Variants in SPMIP2 observed in about 807,000 individuals in gnomAD.
The protein encoded by SPMIP2 is sperm microtubule inner protein 2.
chr4:158,927,196 T>C, the SPMIP2 span, among the ~76,000 whole-genome samples: 6 of 152,176 alleles, frequency 3.9e-5, no homozygotes, highest in Admixed American at 6.5e-5. Context: ...GCCCTCTTTT[T>C]TAAAAAATAT....
At chr4:158,997,670 A>G in the SPMIP2 span, among the ~76,000 whole-genome samples, 1 of 152,052 alleles carries the variant, frequency 6.6e-6, no homozygotes, top group African/African-American at 2.4e-5. Context: ...GTTATTGTTT[A>G]GAGACAGGGT....
chr4:158,907,350 A>G, the SPMIP2 span: 1 of 152,146 alleles, frequency 6.6e-6, no homozygotes, highest in East Asian at 1.9e-4. Context: ...AGTAACTATA[A>G]TCTTTTCACA....
the SPMIP2 span, chr4:158,904,366 T>C: frequency 9.5e-7 from 1 of 1,056,028 alleles, no homozygotes; most frequent in African/African-American, 1.6e-5. Context: ...TCTATCAAAC[T>C]TAGTACCTAG....
At chr4:158,972,316 C>T in the SPMIP2 span, among the ~76,000 whole-genome samples, 3 of 152,176 alleles carry the variant, frequency 2.0e-5, no homozygotes, top group Non-Finnish European at 1.5e-5. Context: ...GAGTCAAGAT[C>T]GTGCCACTGC....
the SPMIP2 span, among the ~76,000 whole-genome samples, chr4:158,979,998 C>G: frequency 1.3e-5 from 2 of 151,944 alleles, no homozygotes; most frequent in African/African-American, 4.8e-5. Flanking sequence ...CGACCTGGGA[C>G]GCTCAAGCTT....
chr4:159,015,493 C>T, the SPMIP2 span, among the ~76,000 whole-genome samples: 1 of 152,196 alleles, frequency 6.6e-6, no homozygotes, highest in Non-Finnish European at 1.5e-5. Context: ...ATAACTTCCT[C>T]CCTTTTGAAA....
the SPMIP2 span, among the ~76,000 whole-genome samples, chr4:158,974,310 G>T: frequency 1.3e-5 from 2 of 151,902 alleles, no homozygotes; most frequent in Non-Finnish European, 2.9e-5. Context: ...TCACTTAAAT[G>T]AATTTTTTAT....
At chr4:158,963,005 T>C in the SPMIP2 span, among the ~76,000 whole-genome samples, 1 of 152,226 alleles carries the variant, frequency 6.6e-6, no homozygotes, top group African/African-American at 2.4e-5. Context: ...ATTCATCAAC[T>C]TTCAGCAAAT....
chr4:158,986,644 A>G, the SPMIP2 span, among the ~76,000 whole-genome samples: 1 of 152,172 alleles, frequency 6.6e-6, no homozygotes, highest in Non-Finnish European at 1.5e-5. Flanking sequence ...GATGGATTAA[A>G]GTCTTAAATA....
chr4:159,010,312 G>A, the SPMIP2 span, among the ~76,000 whole-genome samples: 2 of 152,196 alleles, frequency 1.3e-5, no homozygotes, highest in Admixed American at 6.5e-5. Context: ...CCCCTTCACA[G>A]CACGTGTTCA....
the SPMIP2 span, among the ~76,000 whole-genome samples, chr4:158,992,450 C>T: frequency 2.0e-5 from 3 of 152,208 alleles, no homozygotes; most frequent in African/African-American, 7.2e-5. Context: ...TACTGGGTCA[C>T]TTATATGCAT....
chr4:158,992,962 CA>C, the SPMIP2 span, among the ~76,000 whole-genome samples: 2 of 152,184 alleles, frequency 1.3e-5, no homozygotes, highest in Non-Finnish European at 2.9e-5. Context: ...CAAGCTGAGT[CA>C]AAAGCTCTTA....
At chr4:158,988,849 C>T in the SPMIP2 span, among the ~76,000 whole-genome samples, 1 of 152,288 alleles carries the variant, frequency 6.6e-6, no homozygotes, top group East Asian at 1.9e-4. Context: ...CCTCTCTCAC[C>T]ACTCCTATTC....
At chr4:158,931,981 T>C in the SPMIP2 span, among the ~76,000 whole-genome samples, 1 of 152,092 alleles carries the variant, frequency 6.6e-6, no homozygotes, top group South Asian at 2.1e-4. Context: ...AACATATTTA[T>C]AACAGCTGAT....
chr4:159,073,446 A>G, the SPMIP2 span, among the ~76,000 whole-genome samples: 1 of 152,082 alleles, frequency 6.6e-6, no homozygotes, highest in African/African-American at 2.4e-5. Flanking sequence ...GAGCCACCGC[A>G]CCTGGCTGGA....
chr4:159,080,336 C>T, the SPMIP2 span, among the ~76,000 whole-genome samples: 1 of 152,098 alleles, frequency 6.6e-6, no homozygotes, highest in Admixed American at 6.6e-5. Context: ...CCCACCTCCA[C>T]CTCCCAAGTA....
At chr4:159,007,040 A>G in the SPMIP2 span, 1 of 444,262 alleles carries the variant, frequency 2.3e-6, no homozygotes. Context: ...TGCCGGCAGT[A>G]TTTTCTTCTA....
chr4:158,973,227 G>GT, the SPMIP2 span: 46 of 1,613,680 alleles, frequency 2.9e-5, no homozygotes, highest in Non-Finnish European at 3.4e-5. Flanking sequence ...GAGATCTCCA[G>GT]TTTTTTCTAA....
the SPMIP2 span, among the ~76,000 whole-genome samples, chr4:158,994,846 C>A: frequency 1.3e-5 from 2 of 152,170 alleles, no homozygotes; most frequent in African/African-American, 2.4e-5. Context: ...ACTACAACTG[C>A]TAATGTGAAT....
Sources: allele counts gnomAD v4.1 joint callset (sites outside exome capture counted in the v4.1 genomes callset), GRCh38; gene constraint gnomAD v4.1.1; transcripts MANE v1.5; gene names NCBI Gene and HGNC (gene_info 2026-07-23, HGNC 2026-07-21).